Variants in BAG2 observed in about 807,000 individuals in gnomAD.
BAG2 encodes BAG family molecular chaperone regulator 2.
Under a neutral mutation model 16.4 loss-of-function variants are expected in BAG2, and 8 were observed. The observed-to-expected ratio is 0.49, with a 90% CI of 0.29 to 0.88. The LOEUF (loss-of-function observed/expected upper bound fraction) is 0.88. Among genes scored for constraint, BAG2 ranks in the 40% least tolerant of loss-of-function variants. BAG2 has a pLI of 0.09. For synonymous variants in BAG2, 82 were observed against 89.2 expected, an observed-to-expected ratio of 0.92 and a Z score of 0.46; for missense variants, 218 against 248.9, an observed-to-expected ratio of 0.88 and a Z score of 0.84.
At chr6:57,177,793 C>T (rs1764325703) in intron 1 of BAG2, among the ~76,000 whole-genome samples, 1 of 152,168 alleles carries the variant, frequency 6.6e-6, no homozygotes, top group African/African-American at 2.4e-5. Context: ...TATTAGCTGA[C>T]ATATTAATAG....
intron 2 of BAG2, 61 bp from the exon 3 acceptor site, chr6:57,183,717 C>T: frequency 7.1e-7 from 1 of 1,404,314 alleles, no homozygotes; most frequent in Non-Finnish European, 9.5e-7. Context: ...TAAATTTAGT[C>T]ACAAACAAAT....
At chr6:57,176,010 T>G (rs1764274652) in intron 1 of BAG2, among the ~76,000 whole-genome samples, 1 of 152,042 alleles carries the variant, frequency 6.6e-6, no homozygotes, top group South Asian at 2.1e-4. Context: ...CGTCTCCAGG[T>G]GTAGGGAGTG....
rs1025697464 is a variant in BAG2, at chr6:57,184,983, T to G, written c.*793T>G. On this transcript the variant is annotated 3_prime_UTR_variant, in exon 3 of 3. Transcript: ENST00000370693. ...TATATCTTTATCCATTCCTCTTTTA[T>G]GGACATTTAGGTTGTTTCCAACTTG... is the stretch of plus-strand genomic sequence containing the variant. 2 of 152,224 alleles carry G rather than the reference T, an allele frequency of 1.3e-5. No individual in the cohort carries two copies. Among genetic ancestry groups the G allele is most frequent in the Non-Finnish European group, 2.9e-5 (2 of 68,024 alleles). 9.4% of individuals were successfully genotyped at this position (152,224 alleles called of 1,614,324 possible).
chr6:57,180,395 CCTG>C (rs765850330), intron 1 of BAG2, among the ~76,000 whole-genome samples: 15 of 151,610 alleles, frequency 9.9e-5, no homozygotes, highest in Non-Finnish European at 2.1e-4. Context: ...GATTGAGGGA[CCTG>C]CTCTATCAAA....
rs925924642 is a variant in BAG2 at position 57,187,521 on chromosome 6, T to C, written c.*3331T>C. 5 of 152,186 alleles carry C rather than the reference T, an allele frequency of 3.3e-5. No individual in the cohort carries two copies. The highest frequency in any genetic ancestry group is 9.7e-5 in the African/African-American group (4 of 41,450). 9.4% of individuals were successfully genotyped at this position (152,186 alleles called of 1,614,324 possible). ...CAAGCTTTCACCTCATCAATGCATT[T>C]TGTTTTCAGAGAAACAGACTAATGA... On this transcript the variant is annotated 3_prime_UTR_variant, in exon 3 of 3. Transcript: ENST00000370693.
In BAG2 at chr6:57,185,122, T is replaced by A. The variant is rs555386771; in HGVS notation, c.*932T>A. On this transcript the variant is annotated 3_prime_UTR_variant, in exon 3 of 3. Transcript: ENST00000370693. ...ATATTGGGTCAAAGGATATAGACGT[T>A]TTCATGGCCTCACACATATTAAACT... is the stretch of plus-strand genomic sequence containing the variant. The A allele has an allele frequency of 6.6e-6, 1 of 152,316 alleles. No homozygotes were observed. Among genetic ancestry groups the A allele is most frequent in the East Asian group, 1.9e-4 (1 of 5,192 alleles). 9.4% of individuals were successfully genotyped at this position (152,316 alleles called of 1,614,324 possible).
rs1227227538 is a variant in BAG2, at chr6:57,188,770, T to C, written c.*4580T>C. ...ATAATGCCAGATCATTTCAATATAA[T>C]GAAAAGCAAAAATTTACTTTTTAAT... On this transcript the variant is annotated 3_prime_UTR_variant, in exon 3 of 3. Transcript: ENST00000370693. 3.9e-5 allele frequency: 6 copies of C among 152,168 alleles called. No individual in the cohort carries two copies. Among genetic ancestry groups the C allele is most frequent in the African/African-American group, 1.2e-4 (5 of 41,456 alleles). The allele number at this position is 152,168 out of a possible 1,614,324, so 9.4% of individuals were successfully genotyped here. A position where few individuals can be genotyped will look rare whatever the true frequency, so the allele number is the denominator to read the frequency against.
intron 1 of BAG2, among the ~76,000 whole-genome samples, chr6:57,175,381 C>T (rs756788005): frequency 6.6e-6 from 1 of 152,102 alleles, no homozygotes; most frequent in Non-Finnish European, 1.5e-5. Context: ...TACAGTCTTA[C>T]GTTATAATGT....
chr6:57,182,234 T>C, intron 2 of BAG2, 93 bp downstream of exon 2: 4 of 996,772 alleles, frequency 4.0e-6, no homozygotes, highest in East Asian at 2.5e-5. Flanking sequence ...ACTTTTGGTA[T>C]GCGTACACCA....
chr6:57,175,444 C>T (rs1308210993), intron 1 of BAG2, among the ~76,000 whole-genome samples: 1 of 152,190 alleles, frequency 6.6e-6, no homozygotes, highest in Non-Finnish European at 1.5e-5. Flanking sequence ...CCTTCTTTCA[C>T]CTGCCTTACC....
At chr6:57,180,493 T>C (rs575773812) in intron 1 of BAG2, among the ~76,000 whole-genome samples, 1 of 151,816 alleles carries the variant, frequency 6.6e-6, no homozygotes, top group Non-Finnish European at 1.5e-5. Flanking sequence ...AATACACTAA[T>C]GCATGGCATA....
chr6:57,179,234 G>A (rs1401869113), intron 1 of BAG2, among the ~76,000 whole-genome samples: 1 of 152,162 alleles, frequency 6.6e-6, no homozygotes, highest in Non-Finnish European at 1.5e-5. Flanking sequence ...GAATGGTCCT[G>A]GAATAGGGCC....
chr6:57,188,308 C>CAG lies in BAG2; in HGVS notation c.*4119_*4120dup, dbSNP rs1399899440. 6.6e-6 allele frequency: 1 copy of CAG among 152,078 alleles called. No homozygotes were observed. The highest frequency in any genetic ancestry group is 1.5e-5 in the Non-Finnish European group (1 of 67,978). 9.4% of individuals were successfully genotyped at this position (152,078 alleles called of 1,614,324 possible). A position where few individuals can be genotyped will look rare whatever the true frequency, so the allele number is the denominator to read the frequency against. On this transcript the variant is annotated 3_prime_UTR_variant, in exon 3 of 3. Coordinates refer to ENST00000370693, the MANE Select transcript of BAG2 (RefSeq NM_004282.4). ...AATTATGGTTAGGTTTAAAATACAG[C>CAG]AGTGCAAATTAAAAATTCAAATATG...
Position 57,172,383 on chromosome 6 carries a change from C to CA in BAG2, c.-314dup, listed in dbSNP as rs1764146144. ...CTCTGCGTCCGCCCCTCCCGTGCCT[C>CA]AGAGACTTGCGCTCCCCAGGCCCGA... On this transcript the variant is annotated 5_prime_UTR_variant, in exon 1 of 3. Coordinates refer to ENST00000370693, the MANE Select transcript of BAG2 (RefSeq NM_004282.4). 5.2e-6 allele frequency: 1 copy of CA among 191,830 alleles called. No homozygotes were observed. The highest frequency in any genetic ancestry group is 1.2e-4 in the East Asian group (1 of 8,318). The allele number at this position is 191,830 out of a possible 1,614,324, so 11.9% of individuals were successfully genotyped here.
intron 1 of BAG2, among the ~76,000 whole-genome samples, chr6:57,181,426 TCA>T (rs1305165844): frequency 6.6e-6 from 1 of 152,158 alleles, no homozygotes; most frequent in Non-Finnish European, 1.5e-5. Flanking sequence ...GTGTGGTGGC[TCA>T]CACCTGTAAT....
intron 1 of BAG2, among the ~76,000 whole-genome samples, chr6:57,177,299 C>A (rs7761610): frequency 6.6e-6 from 1 of 152,086 alleles, no homozygotes; most frequent in African/African-American, 2.4e-5. Flanking sequence ...GTCTGTAGTC[C>A]TAGCCACTCG....
chr6:57,183,717 C>A, intron 2 of BAG2, 61 bp from the exon 3 acceptor site: 2 of 1,404,312 alleles, frequency 1.4e-6, no homozygotes, highest in South Asian at 1.7e-5. Flanking sequence ...TAAATTTAGT[C>A]ACAAACAAAT....
chr6:57,182,430 G>A (rs1449223902), intron 2 of BAG2, among the ~76,000 whole-genome samples: 1 of 150,482 alleles, frequency 6.6e-6, no homozygotes, highest in Non-Finnish European at 1.5e-5. Flanking sequence ...TTTATCCCAG[G>A]TTCACAGTCC....
At chr6:57,176,981 C>T (rs992954429) in intron 1 of BAG2, among the ~76,000 whole-genome samples, 6 of 152,120 alleles carry the variant, frequency 3.9e-5, no homozygotes, top group African/African-American at 1.4e-4. Flanking sequence ...TCTTTTACAC[C>T]AAAATGTCTT....
Sources: allele counts gnomAD v4.1 joint callset (sites outside exome capture counted in the v4.1 genomes callset), GRCh38; gene constraint gnomAD v4.1.1; transcripts MANE v1.5; gene names NCBI Gene and HGNC (gene_info 2026-07-23, HGNC 2026-07-21).